Variants in HPSE2 observed in about 807,000 individuals in gnomAD.
HPSE2 encodes heparanase 2 (inactive), also known as inactive heparanase-2.
Under a neutral mutation model 60.5 loss-of-function variants are expected in HPSE2, and 38 were observed. That is an observed-to-expected ratio of 0.63 (90% confidence interval 0.48 to 0.82). The LOEUF is 0.82. Among genes scored for constraint, HPSE2 ranks in the 40% least tolerant of loss-of-function variants. The pLI, the probability that HPSE2 is intolerant of heterozygous loss-of-function variation, is 0.00. For synonymous variants in HPSE2, 295 were observed against 293.2 expected, an observed-to-expected ratio of 1.01 and a Z score of -0.06; for missense variants, 713 against 740.4, an observed-to-expected ratio of 0.96 and a Z score of 0.43.
chr10:98,546,211 G>A (rs1943667994), intron 9 of HPSE2, among the ~76,000 whole-genome samples: 1 of 138,928 alleles, frequency 7.2e-6, no homozygotes, highest in Non-Finnish European at 1.6e-5. Context: ...TCAATAACGT[G>A]AAAATGGCCA....
intron 2 of HPSE2, among the ~76,000 whole-genome samples, chr10:99,145,468 A>AAAG (rs886138195): frequency 6.6e-6 from 1 of 150,754 alleles, no homozygotes. Flanking sequence ...AAAAAAAAAA[A>AAAG]AAGAAGAAGA....
intron 3 of HPSE2, among the ~76,000 whole-genome samples, chr10:98,872,832 T>A (rs971485591): frequency 9.2e-5 from 14 of 152,306 alleles, no homozygotes; most frequent in African/African-American, 3.4e-4. Context: ...TCTCAGTAAC[T>A]AGAACAGTTT....
At chr10:98,877,472 A>C (rs1224275922) in intron 3 of HPSE2, among the ~76,000 whole-genome samples, 2 of 151,848 alleles carry the variant, frequency 1.3e-5, no homozygotes, top group Non-Finnish European at 2.9e-5. Context: ...CATTTTGTTT[A>C]ATCTTTCAAT....
intron 3 of HPSE2, among the ~76,000 whole-genome samples, chr10:98,837,227 T>C (rs1951810791): frequency 6.6e-6 from 1 of 152,180 alleles, no homozygotes; most frequent in Admixed American, 6.5e-5. Flanking sequence ...TTAATACTCA[T>C]AGTTTGAAAC....
intron 6 of HPSE2, among the ~76,000 whole-genome samples, chr10:98,684,866 C>T (rs1260348371): frequency 2.0e-5 from 3 of 152,022 alleles, no homozygotes; most frequent in Non-Finnish European, 4.4e-5. Context: ...AAAAAGATTC[C>T]CTATACTTCC....
At chr10:99,263,580 C>T in the HPSE2 span, among the ~76,000 whole-genome samples, 2 of 152,192 alleles carry the variant, frequency 1.3e-5, no homozygotes, top group South Asian at 2.1e-4. Context: ...GGAACACTTA[C>T]GCTGGTAAGG....
intron 2 of HPSE2, among the ~76,000 whole-genome samples, chr10:99,197,276 A>T (rs1848433437): frequency 6.6e-6 from 1 of 152,192 alleles, no homozygotes; most frequent in South Asian, 2.1e-4. Context: ...GTACAAAAAA[A>T]TAGAAAGAAT....
chr10:99,023,636 G>C (rs11498741), intron 3 of HPSE2, among the ~76,000 whole-genome samples: 1,756 of 152,262 alleles, frequency 0.012, 35 homozygotes, highest in African/African-American at 0.04. Context: ...CCAGCTTTAT[G>C]TTGCTCAGAA....
intron 2 of HPSE2, among the ~76,000 whole-genome samples, chr10:99,189,341 G>A (rs1351903054): frequency 5.9e-5 from 9 of 152,140 alleles, no homozygotes; most frequent in Non-Finnish European, 2.9e-5. Flanking sequence ...ATGAGAGTAA[G>A]TTTAAATGGA....
At chr10:98,788,666 G>C (rs532075084) in intron 3 of HPSE2, among the ~76,000 whole-genome samples, 1 of 152,114 alleles carries the variant, frequency 6.6e-6, no homozygotes, top group African/African-American at 2.4e-5. Flanking sequence ...TTCTTAAGCC[G>C]GTCTGAAAAG....
chr10:99,013,674 G>A, intron 3 of HPSE2: 1 of 208,412 alleles, frequency 4.8e-6, no homozygotes, highest in Non-Finnish European at 9.8e-6. Context: ...CCTTCACCAT[G>A]TTGGCTGGGC....
At chr10:98,863,812 T>A (rs937221606) in intron 3 of HPSE2, among the ~76,000 whole-genome samples, 4 of 152,158 alleles carry the variant, frequency 2.6e-5, no homozygotes, top group Non-Finnish European at 5.9e-5. Context: ...GTTGGATTTT[T>A]TAGAATCTAT....
intron 3 of HPSE2, among the ~76,000 whole-genome samples, chr10:98,993,254 T>A (rs540192872): frequency 1.8e-4 from 27 of 152,352 alleles, no homozygotes; most frequent in Non-Finnish European, 3.4e-4. Context: ...TGAAGAGGGC[T>A]ACGGCATCTG....
chr10:99,146,687 C>A (rs1339053440), intron 2 of HPSE2, among the ~76,000 whole-genome samples: 1 of 151,924 alleles, frequency 6.6e-6, no homozygotes. Flanking sequence ...ACGGTGAAAC[C>A]CCACCTCTAC....
At chr10:98,602,103 T>C (rs1206119101) in intron 9 of HPSE2, among the ~76,000 whole-genome samples, 23 of 152,144 alleles carry the variant, frequency 1.5e-4, no homozygotes, top group Admixed American at 1.5e-3. Flanking sequence ...TAGTGAGTGA[T>C]GCTGAGGAGT....
At chr10:98,968,927 A>G (rs1589441024) in intron 3 of HPSE2, among the ~76,000 whole-genome samples, 1 of 152,282 alleles carries the variant, frequency 6.6e-6, no homozygotes, top group East Asian at 1.9e-4. Flanking sequence ...CCAAAATCTC[A>G]GAAATCACCA....
chr10:98,689,605 T>C (rs1948020906), intron 6 of HPSE2, among the ~76,000 whole-genome samples: 1 of 152,234 alleles, frequency 6.6e-6, no homozygotes, highest in Non-Finnish European at 1.5e-5. Flanking sequence ...TTTCTATTTA[T>C]TGCTTATCCT....
At chr10:98,595,396 T>C (rs1945205927) in intron 9 of HPSE2, among the ~76,000 whole-genome samples, 1 of 152,084 alleles carries the variant, frequency 6.6e-6, no homozygotes, top group South Asian at 2.1e-4. Flanking sequence ...GGTCTCGCTC[T>C]CCTGACCTCG....
intron 3 of HPSE2, among the ~76,000 whole-genome samples, chr10:99,034,724 T>C (rs1471028496): frequency 6.6e-6 from 1 of 152,188 alleles, no homozygotes; most frequent in African/African-American, 2.4e-5. Context: ...GTAAATGTCA[T>C]TGAGTGTATT....
Sources: gnomAD v4.1 joint callset for allele counts (sites outside exome capture counted in the v4.1 genomes callset) on GRCh38, gnomAD v4.1.1 for gene constraint, MANE v1.5 for transcripts, NCBI Gene and HGNC (gene_info 2026-07-23, HGNC 2026-07-21) for gene names.